The following TMEM117 variants were observed in gnomAD, a reference collection of about 807,000 sequenced individuals.
The protein encoded by TMEM117 is transmembrane protein 117.
In TMEM117, 27 loss-of-function variants were observed where a neutral mutation model predicts 52.4. The ratio of observed to expected loss-of-function variants is 0.51; its 90% CI spans 0.38 to 0.71. The LOEUF is 0.71. Ranked by LOEUF, TMEM117 falls within the 30% of genes least tolerant of loss-of-function variation. The pLI, the probability that TMEM117 is intolerant of heterozygous loss-of-function variation, is 0.00. For missense variants in TMEM117, 556 were observed against 630.5 expected (o/e 0.88, Z 1.26); for synonymous variants, 215 against 206.3 (o/e 1.04, Z -0.36).
chr12:43,923,481 A>G (rs960818410), intron 2 of TMEM117, among the ~76,000 whole-genome samples: 22 of 152,342 alleles, frequency 1.4e-4, no homozygotes, highest in African/African-American at 4.8e-4. Flanking sequence ...TGTGTTAATG[A>G]TGAACCACAG....
At chr12:44,161,083 T>C (rs551595810) in intron 4 of TMEM117, among the ~76,000 whole-genome samples, 5 of 152,148 alleles carry the variant, frequency 3.3e-5, no homozygotes, top group African/African-American at 4.8e-5. Context: ...CACTGGGCAA[T>C]AGGGTTTTCA....
chr12:44,333,894 G>A (rs1951305622), intron 6 of TMEM117, among the ~76,000 whole-genome samples: 1 of 151,936 alleles, frequency 6.6e-6, no homozygotes, highest in Non-Finnish European at 1.5e-5. Context: ...CCCATGAAGA[G>A]GTTGATGAAA....
chr12:44,143,509 G>A lies in TMEM117; in HGVS notation c.411-16G>A, dbSNP rs1948598212. ...TCTCTGAGTCCGGACAATGTCTTGT[G>A]TGTTTGTTTCCACAGAGCATATATC... is the stretch of plus-strand genomic sequence containing the variant. On this transcript the variant is annotated splice_polypyrimidine_tract_variant and intron_variant, in intron 3 of 7. Transcript: ENST00000266534. 1 of 1,592,728 alleles carries A rather than the reference G, an allele frequency of 6.3e-7. No individual in the cohort carries two copies. Among genetic ancestry groups the A allele is most frequent in the South Asian group, 1.1e-5 (1 of 89,370 alleles).
At chr12:44,381,317 A>C (rs1952016959) in intron 7 of TMEM117, among the ~76,000 whole-genome samples, 1 of 152,210 alleles carries the variant, frequency 6.6e-6, no homozygotes, top group South Asian at 2.1e-4. Flanking sequence ...CAACTGTATA[A>C]TGATCTTCTC....
At chr12:43,937,547 G>A (rs1944972198) in intron 2 of TMEM117, among the ~76,000 whole-genome samples, 1 of 152,138 alleles carries the variant, frequency 6.6e-6, no homozygotes, top group Non-Finnish European at 1.5e-5. Flanking sequence ...AGGCTGATAA[G>A]GAAGCAGGAG....
chr12:43,917,222 C>G, intron 2 of TMEM117, among the ~76,000 whole-genome samples: 1 of 89,958 alleles, frequency 1.1e-5, no homozygotes, highest in East Asian at 3.2e-4. Context: ...GTGAGAGCCT[C>G]ATCTCTACAA....
chr12:44,195,523 C>T (rs186567962), intron 4 of TMEM117, among the ~76,000 whole-genome samples: 25 of 152,084 alleles, frequency 1.6e-4, no homozygotes, highest in Middle Eastern at 3.4e-3. Flanking sequence ...TCTCGGAATT[C>T]CATCTCACAT....
At chr12:44,283,430 A>G (rs1453570343) in intron 5 of TMEM117, among the ~76,000 whole-genome samples, 2 of 152,224 alleles carry the variant, frequency 1.3e-5, no homozygotes, top group Non-Finnish European at 2.9e-5. Context: ...CACCTCTTGC[A>G]TCAGCGTGAC....
At chr12:44,076,429 C>A (rs1039983806) in intron 3 of TMEM117, among the ~76,000 whole-genome samples, 1 of 152,040 alleles carries the variant, frequency 6.6e-6, no homozygotes. Context: ...AAGGAAGAAA[C>A]AATCTTTAAT....
At chr12:44,253,286 A>T (rs1011665429) in intron 5 of TMEM117, among the ~76,000 whole-genome samples, 2 of 152,212 alleles carry the variant, frequency 1.3e-5, no homozygotes, top group African/African-American at 2.4e-5. Context: ...TGGTCCAAGA[A>T]TCAAGAGACA....
chr12:44,362,098 G>A (rs981725038), intron 6 of TMEM117, among the ~76,000 whole-genome samples: 8 of 152,020 alleles, frequency 5.3e-5, no homozygotes, highest in Non-Finnish European at 7.4e-5. Context: ...AAGATGCCTC[G>A]CAGGGTGCCC....
chr12:44,360,330 A>G (rs1951703702), intron 6 of TMEM117, among the ~76,000 whole-genome samples: 1 of 152,116 alleles, frequency 6.6e-6, no homozygotes, highest in African/African-American at 2.4e-5. Context: ...CTGTAATCCC[A>G]GAACTTTGGG....
At chr12:44,077,680 G>A (rs891180809) in intron 3 of TMEM117, among the ~76,000 whole-genome samples, 1 of 151,960 alleles carries the variant, frequency 6.6e-6, no homozygotes, top group African/African-American at 2.4e-5. Flanking sequence ...TTATATGAAG[G>A]GATTCCTTTC....
At chr12:43,886,624 C>T (rs1943999403) in intron 2 of TMEM117, among the ~76,000 whole-genome samples, 1 of 151,850 alleles carries the variant, frequency 6.6e-6, no homozygotes, top group Non-Finnish European at 1.5e-5. Context: ...GTAGCCATTT[C>T]TTTTTTTTAA....
chr12:44,214,138 A>ATTTTTTTTT (rs773352634), intron 5 of TMEM117, among the ~76,000 whole-genome samples: 2 of 99,284 alleles, frequency 2.0e-5, no homozygotes, highest in South Asian at 8.0e-4. Context: ...TTTTTTTTTA[A>ATTTTTTTTT]TTTTTTTTTT....
intron 2 of TMEM117, among the ~76,000 whole-genome samples, chr12:43,859,847 A>G (rs1040892368): frequency 1.3e-5 from 2 of 152,212 alleles, no homozygotes; most frequent in African/African-American, 2.4e-5. Context: ...ATAACAATCT[A>G]TTTCTAAAAT....
chr12:43,972,760 A>G (rs1371729917), intron 3 of TMEM117, among the ~76,000 whole-genome samples: 1 of 152,170 alleles, frequency 6.6e-6, no homozygotes, highest in Non-Finnish European at 1.5e-5. Flanking sequence ...TTTACAGAGC[A>G]CAGATCGGTA....
intron 6 of TMEM117, among the ~76,000 whole-genome samples, chr12:44,343,793 A>G (rs1951448326): frequency 6.6e-6 from 1 of 152,142 alleles, no homozygotes; most frequent in Non-Finnish European, 1.5e-5. Flanking sequence ...GGAATATTAC[A>G]GTGACTGAAC....
chr12:44,052,385 G>T (rs941164341), intron 3 of TMEM117, among the ~76,000 whole-genome samples: 3 of 152,062 alleles, frequency 2.0e-5, no homozygotes, highest in Admixed American at 6.6e-5. Flanking sequence ...CAATGCACTG[G>T]CTCCTGCAGA....
Sources: allele counts gnomAD v4.1 joint callset (sites outside exome capture counted in the v4.1 genomes callset), GRCh38; gene constraint gnomAD v4.1.1; transcripts MANE v1.5; gene names NCBI Gene and HGNC (gene_info 2026-07-23, HGNC 2026-07-21).